Variants in XKR6 observed in about 807,000 individuals in gnomAD.
XKR6 encodes XK-related protein 6.
In XKR6, 22 loss-of-function variants were observed where a neutral mutation model predicts 56.7. The ratio of observed to expected loss-of-function variants is 0.39; its 90% CI spans 0.28 to 0.55. The LOEUF is 0.55. Ranked by LOEUF, XKR6 falls within the 20% of genes least tolerant of loss-of-function variation. XKR6 has a pLI of 0.66. For synonymous variants in XKR6, 524 were observed against 387.8 expected (o/e 1.35, Z -4.13); for missense variants, 852 against 889.0 (o/e 0.96, Z 0.53).
intron 1 of XKR6, among the ~76,000 whole-genome samples, chr8:11,104,520 C>A (rs1798603360): frequency 1.3e-5 from 2 of 152,244 alleles, no homozygotes; most frequent in Non-Finnish European, 2.9e-5. Flanking sequence ...AGCCCGAATC[C>A]CTCATGGATT....
rs1365662772 is a variant in XKR6, at chr8:11,200,204, TC to T, written c.764+371del. Among the ~76,000 whole-genome samples the T allele has an allele frequency of 6.6e-6, 1 of 152,060 alleles. No individual in the cohort carries two copies. The highest frequency in any genetic ancestry group is 2.4e-5 in the African/African-American group (1 of 41,424). On this transcript the variant is annotated intron_variant, in intron 1 of 2. Transcript: ENST00000416569. The surrounding 1 kb of genome is among the most constrained non-coding windows in gnomAD (Gnocchi z 6.4). ...ATGCAGCGGCTGGAGGAGGGAAGGC[TC>T]CCCGGGGCCGCGAGCTGGGGTGCAG... is the stretch of plus-strand genomic sequence containing the variant.
intron 1 of XKR6, among the ~76,000 whole-genome samples, chr8:11,190,538 ATAT>A: frequency 6.6e-6 from 1 of 152,232 alleles, no homozygotes; most frequent in East Asian, 1.9e-4. Context: ...AGAGGTATTA[ATAT>A]TACTCAGCTG....
chr8:11,190,732 A>G (rs1803529273), intron 1 of XKR6, among the ~76,000 whole-genome samples: 1 of 152,116 alleles, frequency 6.6e-6, no homozygotes, highest in African/African-American at 2.4e-5. Flanking sequence ...CCAGACAACA[A>G]CGTCCCAGAG....
chr8:11,082,703 T>C (rs1336185432), intron 1 of XKR6, among the ~76,000 whole-genome samples: 1 of 152,230 alleles, frequency 6.6e-6, no homozygotes, highest in East Asian at 1.9e-4. Context: ...GGACCCTGGC[T>C]TTCCTCAGTT....
chr8:10,976,753 GTCTCTCTC>G (rs5889354), intron 1 of XKR6, among the ~76,000 whole-genome samples: 13 of 149,208 alleles, frequency 8.7e-5, no homozygotes, highest in Non-Finnish European at 1.8e-4. Context: ...TACCTCGCCT[GTCTCTCTC>G]TCTCTCTCTC....
chr8:11,030,993 G>A (rs760395286), intron 1 of XKR6, among the ~76,000 whole-genome samples: 21 of 152,316 alleles, frequency 1.4e-4, no homozygotes, highest in Non-Finnish European at 2.1e-4. Context: ...GCTAGTAAAA[G>A]GCAGAGTTGG....
chr8:11,132,767 G>GCACACACACACACACA lies in XKR6; in HGVS notation c.764+67793_764+67808dup, dbSNP rs149748655. 3.3e-4 allele frequency among the ~76,000 whole-genome samples: 45 copies of GCACACACACACACACA among 138,270 alleles called. 1 individual carries two copies. The highest frequency in any genetic ancestry group is 1.2e-3 in the South Asian group (5 of 4,144). 90.7% of individuals were successfully genotyped at this position (138,270 alleles called of 152,430 possible). A position where few individuals can be genotyped will look rare whatever the true frequency, so the allele number is the denominator to read the frequency against. On this transcript the variant is annotated intron_variant, in intron 1 of 2. Coordinates refer to ENST00000416569, the MANE Select transcript of XKR6 (RefSeq NM_173683.4). ...CCTTCATTCATACACACACACGCAC[G>GCACACACACACACACA]CACACACACACACACACACGCACAT... is the stretch of plus-strand genomic sequence containing the variant.
intron 1 of XKR6, among the ~76,000 whole-genome samples, chr8:11,049,677 G>C (rs1248116347): frequency 6.6e-6 from 1 of 152,310 alleles, no homozygotes; most frequent in Non-Finnish European, 1.5e-5. Flanking sequence ...GGGCTGGCAG[G>C]GGAGGCACCA....
rs146662748 is a variant in XKR6, at chr8:11,014,434, G to T, written c.765-89604C>A. Reference sequence around the variant, plus strand: ...TTCCGTAAAGGCAGGAAAACCCCCTGCGGGCTCCCCAAGGACACTAATTAC... The same window carrying T: ...TTCCGTAAAGGCAGGAAAACCCCCTTCGGGCTCCCCAAGGACACTAATTAC... On this transcript the variant is annotated intron_variant, in intron 1 of 2. Coordinates refer to ENST00000416569, the MANE Select transcript of XKR6 (RefSeq NM_173683.4). Among the ~76,000 whole-genome samples the T allele has an allele frequency of 1.1e-3, 173 of 152,310 alleles. 2 individuals carry two copies. The East Asian group carries it at 0.013, about 11-fold the overall frequency.
At chr8:10,914,768 G>C (rs1366905271) in intron 2 of XKR6, among the ~76,000 whole-genome samples, 1 of 152,126 alleles carries the variant, frequency 6.6e-6, no homozygotes, top group Non-Finnish European at 1.5e-5. Context: ...TAAGACCCTG[G>C]GGCAGGCCAG....
chr8:11,044,147 C>G (rs944359531), intron 1 of XKR6, among the ~76,000 whole-genome samples: 5 of 152,248 alleles, frequency 3.3e-5, no homozygotes, highest in Admixed American at 2.0e-4. Flanking sequence ...TGACCGTGGA[C>G]TGGTTCTGGC....
rs183265224 is a variant in XKR6 at position 11,160,150 on chromosome 8, G to A, written c.764+40426C>T. On this transcript the variant is annotated intron_variant, in intron 1 of 2. Coordinates refer to ENST00000416569, the MANE Select transcript of XKR6 (RefSeq NM_173683.4). ...CACACCATGCATTTAAATGGACCAC[G>A]TGTCTCAATTTCAGAAATAATCACA... 5.4e-4 allele frequency among the ~76,000 whole-genome samples: 82 copies of A among 152,246 alleles called. 1 individual carries two copies. The highest frequency in any genetic ancestry group is 9.4e-4 in the Non-Finnish European group (64 of 68,028).
chr8:11,001,631 C>T (rs991443921), intron 1 of XKR6, among the ~76,000 whole-genome samples: 1 of 152,222 alleles, frequency 6.6e-6, no homozygotes, highest in Non-Finnish European at 1.5e-5. Context: ...CAGGGCCCCC[C>T]ATTCCTGGAG....
At chr8:11,041,279 C>T (rs1006959736) in intron 1 of XKR6, among the ~76,000 whole-genome samples, 3 of 152,080 alleles carry the variant, frequency 2.0e-5, no homozygotes, top group Non-Finnish European at 4.4e-5. Flanking sequence ...GACATCAGGC[C>T]GGGCGCGGTG....
intron 1 of XKR6, among the ~76,000 whole-genome samples, chr8:10,954,761 G>C (rs1039575016): frequency 6.7e-6 from 1 of 148,640 alleles, no homozygotes; most frequent in Admixed American, 6.7e-5. Context: ...TTACGCCTAT[G>C]TTTTCTTCTA....
intron 2 of XKR6, among the ~76,000 whole-genome samples, chr8:10,911,335 ATATATG>A (rs1193897350): frequency 3.4e-4 from 43 of 126,332 alleles, no homozygotes; most frequent in African/African-American, 1.4e-3. Context: ...ATATATATAT[ATATATG>A]TGTGTGTGTG....
intron 1 of XKR6, among the ~76,000 whole-genome samples, chr8:10,985,671 A>T (rs565962517): frequency 6.6e-6 from 1 of 152,270 alleles, no homozygotes; most frequent in East Asian, 1.9e-4. Context: ...AAAACCTCTC[A>T]TAAAACTTTC....
intron 1 of XKR6, among the ~76,000 whole-genome samples, chr8:10,942,620 GAAGT>G (rs1312686169): frequency 6.6e-6 from 1 of 152,188 alleles, no homozygotes; most frequent in African/African-American, 2.4e-5. Context: ...CTCAAATTAC[GAAGT>G]AAGCACTATG....
intron 1 of XKR6, among the ~76,000 whole-genome samples, chr8:11,131,918 T>C (rs956970771): frequency 1.4e-4 from 21 of 152,128 alleles, no homozygotes; most frequent in African/African-American, 5.1e-4. Context: ...TGTCAGTCCA[T>C]GATGTTGGCA....
Sources: allele counts gnomAD v4.1 joint callset (sites outside exome capture counted in the v4.1 genomes callset), GRCh38; gene constraint gnomAD v4.1.1; non-coding constraint Gnocchi (gnomAD v3.1); transcripts MANE v1.5; gene names NCBI Gene and HGNC (gene_info 2026-07-23, HGNC 2026-07-21).